BBOX1: variants seen among roughly 807,000 people sequenced by gnomAD.
BBOX1 encodes gamma-butyrobetaine dioxygenase.
BBOX1 carries 35 observed loss-of-function variants against 41.6 expected under a neutral mutation model. The observed-to-expected ratio is 0.84, with a 90% CI of 0.64 to 1.11. BBOX1 has a LOEUF of 1.11. BBOX1 is among the 50% of genes most tolerant of loss of function. The probability of loss-of-function intolerance (pLI) is 0.00; values close to 1 mark genes in which losing one functional copy is unlikely to be tolerated. For synonymous variants in BBOX1, 163 were observed against 154.7 expected, an observed-to-expected ratio of 1.05 and a Z score of -0.40; for missense variants, 458 against 460.6, an observed-to-expected ratio of 0.99 and a Z score of 0.05.
At chr11:27,093,855 T>C (rs1858337024) in intron 5 of BBOX1, among the ~76,000 whole-genome samples, 1 of 151,930 alleles carries the variant, frequency 6.6e-6, no homozygotes, top group Non-Finnish European at 1.5e-5. Flanking sequence ...ACACCAGTCC[T>C]ATTAGCTTAG....
chr11:27,046,469 A>G (rs1394297509), intron 2 of BBOX1, among the ~76,000 whole-genome samples: 1 of 151,632 alleles, frequency 6.6e-6, no homozygotes, highest in Non-Finnish European at 1.5e-5. Context: ...CACTACACAC[A>G]TGTATTAATA....
intron 7 of BBOX1, among the ~76,000 whole-genome samples, chr11:27,124,202 C>A (rs1014505656): frequency 4.6e-5 from 7 of 152,264 alleles, no homozygotes; most frequent in Middle Eastern, 3.4e-3. Context: ...TCTGACCGAC[C>A]AAGCCTTGGC....
chr11:27,119,902 ACTAAT>A, intron 7 of BBOX1, 57 bp downstream of exon 7: 1 of 1,109,938 alleles, frequency 9.0e-7, no homozygotes, highest in Non-Finnish European at 1.2e-6. Flanking sequence ...CAAAAGATCC[ACTAAT>A]CTAAAGTTTA....
At chr11:27,076,409 C>T (rs1168007593) in intron 4 of BBOX1, among the ~76,000 whole-genome samples, 1 of 152,194 alleles carries the variant, frequency 6.6e-6, no homozygotes, top group African/African-American at 2.4e-5. Context: ...CATGGTGCTG[C>T]AGGCAACGGT....
intron 4 of BBOX1, among the ~76,000 whole-genome samples, chr11:27,059,769 C>A (rs574922640): frequency 4.3e-4 from 65 of 152,292 alleles, no homozygotes; most frequent in African/African-American, 1.5e-3. Context: ...TAGTGACTGC[C>A]CTGCTGGGTT....
intron 7 of BBOX1, among the ~76,000 whole-genome samples, chr11:27,124,208 T>C (rs1388985468): frequency 6.6e-6 from 1 of 152,190 alleles, no homozygotes; most frequent in African/African-American, 2.4e-5. Context: ...CGACCAAGCC[T>C]TGGCCCTGGT....
In BBOX1 at chr11:27,093,293, G is replaced by C; in HGVS notation, c.460G>C (p.Gly154Arg). 1.2e-6 allele frequency: 2 copies of C among 1,612,474 alleles called. No individual in the cohort carries two copies. The highest frequency in any genetic ancestry group is 3.3e-5 in the Admixed American group (2 of 59,816). Residue 154 changes from glycine to arginine, a missense_variant, in exon 5 of 9, where the codon GGA (glycine) becomes CGA (arginine). Gly to Arg is a moderately radical substitution (Grantham distance 125). Transcript: ENST00000263182. ...LKKVGIVRLT[G>R]ASDKPGEVSK... ...GAAAGTAGGCATAGTAAGACTCACCGGAGCATCTGACAAACCAGGAGAAGT... is the reference window on the plus strand; with the variant it reads ...GAAAGTAGGCATAGTAAGACTCACCCGAGCATCTGACAAACCAGGAGAAGT...
At chr11:27,073,722 C>T (rs1315146744) in intron 4 of BBOX1, among the ~76,000 whole-genome samples, 1 of 152,128 alleles carries the variant, frequency 6.6e-6, no homozygotes, top group African/African-American at 2.4e-5. Flanking sequence ...CCATGGAATA[C>T]TATGCAGCCA....
chr11:27,054,234 T>TGTGTGTGTGTGC (rs1491475061), intron 2 of BBOX1, among the ~76,000 whole-genome samples: 1,857 of 148,268 alleles, frequency 0.013, 27 homozygotes, highest in South Asian at 0.038. Flanking sequence ...TGTGTGTGTG[T>TGTGTGTGTGTGC]GCGTGCACAT....
chr11:27,085,661 C>T (rs1323669256), intron 4 of BBOX1, among the ~76,000 whole-genome samples: 1 of 151,634 alleles, frequency 6.6e-6, no homozygotes, highest in Non-Finnish European at 1.5e-5. Flanking sequence ...CCCACAATGA[C>T]CTCTAAGTCT....
intron 4 of BBOX1, among the ~76,000 whole-genome samples, chr11:27,064,086 A>G (rs766956551): frequency 1.3e-5 from 2 of 152,164 alleles, no homozygotes; most frequent in Non-Finnish European, 2.9e-5. Context: ...GCCTTGCTAC[A>G]TCCATTCTTG....
At chr11:27,127,001 T>C (rs543442975) in intron 8 of BBOX1, among the ~76,000 whole-genome samples, 1 of 152,278 alleles carries the variant, frequency 6.6e-6, no homozygotes, top group African/African-American at 2.4e-5. Flanking sequence ...GAGGTATCGA[T>C]CAGTCAAAAC....
At chr11:27,045,377 A>G (rs1291399545) in intron 2 of BBOX1, among the ~76,000 whole-genome samples, 2 of 152,202 alleles carry the variant, frequency 1.3e-5, no homozygotes, top group East Asian at 3.9e-4. Flanking sequence ...ATCTGCAAAC[A>G]AAGACAATTT....
intron 2 of BBOX1, among the ~76,000 whole-genome samples, chr11:27,048,520 CAGAT>C (rs1358014168): frequency 1.6e-4 from 22 of 135,762 alleles, no homozygotes; most frequent in East Asian, 2.3e-4. Flanking sequence ...AGATGATAGG[CAGAT>C]AGATAGATGA....
In BBOX1 at chr11:27,115,497, T is replaced by C; in HGVS notation, c.579T>C (p.Ala193=). 6.2e-7 allele frequency: 1 copy of C among 1,611,342 alleles called. No individual in the cohort carries two copies. The highest frequency in any genetic ancestry group is 8.5e-7 in the Non-Finnish European group (1 of 1,178,226). Residue 193 remains alanine (A), a synonymous_variant, in exon 6 of 9, where the codon GCT becomes GCC. Coordinates refer to ENST00000263182, the MANE Select transcript of BBOX1 (RefSeq NM_003986.3). ...VQDKIDANNV[A]YTTGKLSFHT... is the part of the protein sequence containing the mutation. ...ACAAAATCGATGCAAACAATGTGGC[T>C]TACACAACTGGGAAGCTAAGCTTTC...
rs1197259517 is a variant in BBOX1 at position 27,055,383 on chromosome 11, T to G, written c.-38-10T>G. On this transcript the variant is annotated splice_polypyrimidine_tract_variant and intron_variant, in intron 2 of 8. Coordinates refer to ENST00000263182, the MANE Select transcript of BBOX1 (RefSeq NM_003986.3). Reference sequence around the variant, plus strand: ...TGCCTGAGATTCCTTTTAACACTGATTTGTCATAGCAGGTAGCTGACAGCA... The same window carrying G: ...TGCCTGAGATTCCTTTTAACACTGAGTTGTCATAGCAGGTAGCTGACAGCA... 1 of 1,576,910 alleles carries G rather than the reference T, an allele frequency of 6.3e-7. No homozygotes were observed. The highest frequency in any genetic ancestry group is 8.7e-7 in the Non-Finnish European group (1 of 1,150,150).
intron 5 of BBOX1, among the ~76,000 whole-genome samples, chr11:27,100,869 C>T (rs939017924): frequency 1.4e-4 from 22 of 152,012 alleles, no homozygotes; most frequent in Non-Finnish European, 2.6e-4. Flanking sequence ...CCAGCACACA[C>T]ACATACAACC....
chr11:27,057,335 C>A lies in BBOX1; in HGVS notation c.334+20C>A. 6.4e-7 allele frequency: 1 copy of A among 1,570,948 alleles called. No individual in the cohort carries two copies. On this transcript the variant is annotated intron_variant, in intron 4 of 8. Transcript: ENST00000263182. ...TTCCAGGTAACTTTGCCAAAGTCTT[C>A]AATGTCTTTTTAAACCCTTACAGTA...
At chr11:27,121,338 C>T (rs546991361) in intron 7 of BBOX1, among the ~76,000 whole-genome samples, 2 of 152,264 alleles carry the variant, frequency 1.3e-5, no homozygotes, top group East Asian at 1.9e-4. Context: ...CAAATTATAA[C>T]AGTAACATTT....
Sources: gnomAD v4.1 joint callset for allele counts (sites outside exome capture counted in the v4.1 genomes callset) on GRCh38, gnomAD v4.1.1 for gene constraint, MANE v1.5 for transcripts, NCBI Gene and HGNC (gene_info 2026-07-23, HGNC 2026-07-21) for gene names.